ENTPD1: variants seen among roughly 807,000 people sequenced by gnomAD.
ENTPD1 encodes the protein ectonucleoside triphosphate diphosphohydrolase 1, also known as ATP diphosphohydrolase.
In ENTPD1, 33 loss-of-function variants were observed where a neutral mutation model predicts 57.0. The ratio of observed to expected loss-of-function variants is 0.58; its 90% CI spans 0.44 to 0.77. ENTPD1 has a LOEUF of 0.77. Among genes scored for constraint, ENTPD1 ranks in the 30% least tolerant of loss-of-function variants. The pLI, the probability that ENTPD1 is intolerant of heterozygous loss-of-function variation, is 0.00. For synonymous variants in ENTPD1, 202 were observed against 218.8 expected (o/e 0.92, Z 0.68); for missense variants, 501 against 603.4 (o/e 0.83, Z 1.78).
chr10:95,798,339 TA>T (rs1371288423), intron 1 of ENTPD1, among the ~76,000 whole-genome samples: 2 of 151,810 alleles, frequency 1.3e-5, no homozygotes, highest in Non-Finnish European at 2.9e-5. Context: ...AGGAGAATTT[TA>T]AAAAAAAGCA....
In ENTPD1 at chr10:95,801,347, C is replaced by A. The variant is rs147552805; in HGVS notation, c.17-21890C>A. 7.0e-3 allele frequency among the ~76,000 whole-genome samples: 1,060 copies of A among 152,070 alleles called. 13 individuals are homozygous for A. The highest frequency in any genetic ancestry group is 0.024 in the African/African-American group (996 of 41,476). Reference sequence around the variant, plus strand: ...ATGGTTTTGGGTTTTACATTTAGGTCTTTAATCCATCCTGAGTTAACTTTT... The same window carrying A: ...ATGGTTTTGGGTTTTACATTTAGGTATTTAATCCATCCTGAGTTAACTTTT... On this transcript the variant is annotated intron_variant, in intron 1 of 9. Transcript: ENST00000371205.
chr10:95,875,872 C>T lies in ENTPD1; in HGVS notation c.*9489C>T, dbSNP rs2098485252. 2 of 505,082 alleles carry T rather than the reference C, an allele frequency of 4.0e-6. No homozygotes were observed. The highest frequency in any genetic ancestry group is 5.1e-6 in the Non-Finnish European group (2 of 391,424). 31.3% of individuals were successfully genotyped at this position (505,082 alleles called of 1,614,324 possible). On this transcript the variant is annotated 3_prime_UTR_variant, in exon 10 of 10. Coordinates refer to ENST00000371205, the MANE Select transcript of ENTPD1 (RefSeq NM_001776.6). The stretch of plus-strand genomic sequence containing the variant: ...AAGAATAGCATGGGAAAGACCAGCC[C>T]CCTTGATTCAATTACCTCCCCCTGG...
At chr10:95,835,474 T>C (rs562154296) in intron 2 of ENTPD1, among the ~76,000 whole-genome samples, 176 of 152,220 alleles carry the variant, frequency 1.2e-3, no homozygotes, top group Non-Finnish European at 2.2e-3. Context: ...GATTGCTGGG[T>C]CAAATGGCAA....
At chr10:95,864,934 A>C in intron 9 of ENTPD1, 73 bp downstream of exon 9, 16 of 1,542,162 alleles carry the variant, frequency 1.0e-5, no homozygotes, top group Middle Eastern at 4.7e-4. Flanking sequence ...TTGGGGCTTG[A>C]AAAAGGGGGG....
At chr10:95,838,357 G>T (rs1226775940) in intron 2 of ENTPD1, among the ~76,000 whole-genome samples, 2 of 152,196 alleles carry the variant, frequency 1.3e-5, no homozygotes, top group Non-Finnish European at 2.9e-5. Flanking sequence ...AAATGCATAT[G>T]AATGTTTCTG....
At chr10:95,849,993 T>G (rs1180549397) in intron 7 of ENTPD1, among the ~76,000 whole-genome samples, 1 of 152,266 alleles carries the variant, frequency 6.6e-6, no homozygotes, top group Admixed American at 6.5e-5. Flanking sequence ...TTTCACTTCC[T>G]GGGAAACATG....
chr10:95,728,592 A>T (rs2097986108), intron 1 of ENTPD1, among the ~76,000 whole-genome samples: 1 of 152,148 alleles, frequency 6.6e-6, no homozygotes, highest in East Asian at 1.9e-4. Context: ...CGAGGTTTCT[A>T]GTATTGCACT....
intron 4 of ENTPD1, among the ~76,000 whole-genome samples, chr10:95,842,825 A>G (rs2098425419): frequency 6.6e-6 from 1 of 152,204 alleles, no homozygotes; most frequent in Non-Finnish European, 1.5e-5. Flanking sequence ...TCTGGGAGGA[A>G]GAGGATAAGA....
At chr10:95,728,733 A>G (rs1374163997) in intron 1 of ENTPD1, among the ~76,000 whole-genome samples, 1 of 152,200 alleles carries the variant, frequency 6.6e-6, no homozygotes, top group Non-Finnish European at 1.5e-5. Context: ...TTCTTGCAAC[A>G]CTTGAGCTCC....
chr10:95,705,864 A>G, the ENTPD1 span, among the ~76,000 whole-genome samples: 2 of 152,218 alleles, frequency 1.3e-5, no homozygotes, highest in African/African-American at 2.4e-5. Flanking sequence ...TGGGAGTCCA[A>G]GGTGGTTGAA....
chr10:95,698,574 T>C, the ENTPD1 span, among the ~76,000 whole-genome samples: 1 of 152,084 alleles, frequency 6.6e-6, no homozygotes. Context: ...TCTTAGAGGG[T>C]GCCCCTCCCA....
At chr10:95,808,470 T>A (rs1240675723) in intron 1 of ENTPD1, among the ~76,000 whole-genome samples, 2 of 152,198 alleles carry the variant, frequency 1.3e-5, no homozygotes, top group East Asian at 3.8e-4. Flanking sequence ...TCTTCCCTAT[T>A]CTGGGAATAG....
upstream of ENTPD1, chr10:95,753,786 A>G (rs1405587193): frequency 1.3e-5 from 2 of 152,262 alleles, no homozygotes; most frequent in East Asian, 3.9e-4. Flanking sequence ...ACTTGAGGCC[A>G]GGAGTTTGAG....
At chr10:95,762,168 T>TAAAC (rs2098066608) in intron 1 of ENTPD1, among the ~76,000 whole-genome samples, 1 of 150,716 alleles carries the variant, frequency 6.6e-6, no homozygotes, top group Non-Finnish European at 1.5e-5. Flanking sequence ...AGGTGTTTCC[T>TAAAC]TCCATAACCA....
At chr10:95,782,065 A>G (rs2098160189) in intron 1 of ENTPD1, among the ~76,000 whole-genome samples, 1 of 152,204 alleles carries the variant, frequency 6.6e-6, no homozygotes, top group South Asian at 2.1e-4. Flanking sequence ...GCCACTTCCA[A>G]AATACACTGC....
At chr10:95,742,129 C>A (rs572761295) in intron 1 of ENTPD1, among the ~76,000 whole-genome samples, 1 of 152,328 alleles carries the variant, frequency 6.6e-6, no homozygotes, top group African/African-American at 2.4e-5. Flanking sequence ...TTCTTCAAAA[C>A]TTTCCACTGA....
intron 1 of ENTPD1, among the ~76,000 whole-genome samples, chr10:95,758,098 T>C (rs2098038013): frequency 6.7e-6 from 1 of 148,870 alleles, no homozygotes; most frequent in Non-Finnish European, 1.5e-5. Context: ...GACCCAGTCA[T>C]CTCTGAACGT....
chr10:95,855,398 A>C (rs2098452715), intron 7 of ENTPD1, among the ~76,000 whole-genome samples: 1 of 151,092 alleles, frequency 6.6e-6, no homozygotes, highest in Non-Finnish European at 1.5e-5. Context: ...CCAATTTGCC[A>C]GTCTGTGTCT....
In ENTPD1 at chr10:95,875,254, T is replaced by C. The variant is rs1480610774; in HGVS notation, c.*8871T>C. On this transcript the variant is annotated 3_prime_UTR_variant, in exon 10 of 10. Coordinates refer to ENST00000371205, the MANE Select transcript of ENTPD1 (RefSeq NM_001776.6). Reference sequence around the variant, plus strand: ...TTTTAACAGCACCCAAGTCACCTTTTGAATGCTTTGCTGCTTAGAAATTTA... The same window carrying C: ...TTTTAACAGCACCCAAGTCACCTTTCGAATGCTTTGCTGCTTAGAAATTTA... 6.6e-6 allele frequency: 1 copy of C among 152,334 alleles called. No homozygotes were observed. Among genetic ancestry groups the C allele is most frequent in the Non-Finnish European group, 1.5e-5 (1 of 68,120 alleles). 9.4% of individuals were successfully genotyped at this position (152,334 alleles called of 1,614,324 possible). A position where few individuals can be genotyped will look rare whatever the true frequency, so the allele number is the denominator to read the frequency against.
Sources: gnomAD v4.1 joint callset for allele counts (sites outside exome capture counted in the v4.1 genomes callset) on GRCh38, gnomAD v4.1.1 for gene constraint, MANE v1.5 for transcripts, NCBI Gene and HGNC (gene_info 2026-07-23, HGNC 2026-07-21) for gene names.